The following SDK1 variants were observed in gnomAD, a reference collection of about 807,000 sequenced individuals.
SDK1 encodes the protein protein sidekick-1.
A neutral mutation model predicts 245.5 loss-of-function variants in SDK1; 157 were observed. The observed-to-expected ratio is 0.64, with a 90% CI of 0.56 to 0.73. The LOEUF (loss-of-function observed/expected upper bound fraction) is 0.73, where lower values mean the gene tolerates loss of function less well. SDK1 is among the 30% of genes least tolerant of loss of function. SDK1 has a pLI of 0.00. For synonymous variants in SDK1, 1,647 were observed against 1,278.5 expected (o/e 1.29, Z -6.15); for missense variants, 3,583 against 3,002.3 (o/e 1.19, Z -4.52).
intron 1 of SDK1, among the ~76,000 whole-genome samples, chr7:3,398,472 A>C (rs1778785265): frequency 6.6e-6 from 1 of 151,770 alleles, no homozygotes; most frequent in Non-Finnish European, 1.5e-5. Flanking sequence ...TGAGTTGTAT[A>C]ATCACCTTCC....
intron 4 of SDK1, among the ~76,000 whole-genome samples, chr7:3,790,017 C>G (rs1009401891): frequency 3.3e-5 from 5 of 152,108 alleles, no homozygotes; most frequent in Non-Finnish European, 4.4e-5. Context: ...CACCTCTCCC[C>G]CTTCCCGAGG....
chr7:3,330,950 A>C (rs1780053940), intron 1 of SDK1, among the ~76,000 whole-genome samples: 1 of 151,924 alleles, frequency 6.6e-6, no homozygotes, highest in Non-Finnish European at 1.5e-5. Flanking sequence ...TGGATGACAG[A>C]GTAAGACCCT....
intron 5 of SDK1, among the ~76,000 whole-genome samples, chr7:3,883,345 C>G (rs894939820): frequency 6.6e-6 from 1 of 152,216 alleles, no homozygotes; most frequent in Non-Finnish European, 1.5e-5. Flanking sequence ...AGATTGATCT[C>G]CTTGATAAGT....
chr7:3,955,752 A>G (rs899374305), intron 7 of SDK1, among the ~76,000 whole-genome samples: 1 of 152,202 alleles, frequency 6.6e-6, no homozygotes, highest in Admixed American at 6.5e-5. Context: ...AGAGCAGGAA[A>G]AATGCATGGT....
At chr7:3,742,345 G>C (rs1270287557) in intron 4 of SDK1, among the ~76,000 whole-genome samples, 8 of 152,060 alleles carry the variant, frequency 5.3e-5, no homozygotes, top group Non-Finnish European at 1.2e-4. Context: ...TTTCCCGTCT[G>C]CCTGAAACAT....
At chr7:4,187,020 C>A (rs1782935727) in intron 35 of SDK1, among the ~76,000 whole-genome samples, 1 of 152,140 alleles carries the variant, frequency 6.6e-6, no homozygotes, top group Non-Finnish European at 1.5e-5. Flanking sequence ...GCTCAAGAGC[C>A]ACACTGTGGT....
chr7:4,212,001 C>T (rs1464805830), intron 38 of SDK1, among the ~76,000 whole-genome samples: 2 of 152,224 alleles, frequency 1.3e-5, no homozygotes, highest in Non-Finnish European at 2.9e-5. Context: ...CTGGGAGGCA[C>T]GTCTTTCCCA....
intron 1 of SDK1, among the ~76,000 whole-genome samples, chr7:3,407,051 C>A (rs1779073302): frequency 6.6e-6 from 1 of 152,128 alleles, no homozygotes; most frequent in Admixed American, 6.6e-5. Context: ...AGAGATTATC[C>A]TTTCACCCAG....
At position 3,619,238 on chromosome 7, in the gene SDK1, A is replaced by G; in HGVS notation, c.457A>G (p.Lys153Glu). The change falls in exon 2 of 45, where the codon AAG becomes GAG. Residue 153 changes from lysine to glutamate, a missense_variant and splice_region_variant. Coordinates refer to ENST00000404826, the MANE Select transcript of SDK1 (RefSeq NM_152744.4). ...SELTTYSSEY[K>E]YIIPSLQKLD... ...GCTCACCACCTACAGCAGCGAATAT[A>G]AGTAATTGATCGCTTGAAAAAATAA... 6.2e-7 allele frequency: 1 copy of G among 1,601,394 alleles called. No homozygotes were observed. Among genetic ancestry groups the G allele is most frequent in the Non-Finnish European group, 8.6e-7 (1 of 1,169,232 alleles).
intron 1 of SDK1, among the ~76,000 whole-genome samples, chr7:3,441,198 ATTG>A (rs1030898585): frequency 1.7e-4 from 26 of 152,162 alleles, no homozygotes; most frequent in African/African-American, 5.8e-4. Context: ...ATTACTAGTT[ATTG>A]TTAATATTTT....
At chr7:3,994,557 AC>A (rs1784561503) in intron 14 of SDK1, among the ~76,000 whole-genome samples, 1 of 151,466 alleles carries the variant, frequency 6.6e-6, no homozygotes, top group Admixed American at 6.6e-5. Flanking sequence ...TGGGAGGATC[AC>A]TTGAACCCAG....
intron 25 of SDK1, among the ~76,000 whole-genome samples, chr7:4,114,950 G>C (rs145865980): frequency 6.6e-6 from 1 of 152,228 alleles, no homozygotes; most frequent in Non-Finnish European, 1.5e-5. Flanking sequence ...TTGCCAGGAA[G>C]CAATGGAGCA....
At chr7:3,538,785 C>T (rs1778969463) in intron 1 of SDK1, among the ~76,000 whole-genome samples, 1 of 152,074 alleles carries the variant, frequency 6.6e-6, no homozygotes, top group South Asian at 2.1e-4. Context: ...CCATTCAGGC[C>T]CAGATCAAGA....
chr7:4,101,874 C>G (rs1388893533), intron 22 of SDK1, among the ~76,000 whole-genome samples: 9 of 150,364 alleles, frequency 6.0e-5, no homozygotes, highest in South Asian at 2.1e-4. Flanking sequence ...TCAGGAGGGT[C>G]AGAGAAAGGG....
intron 1 of SDK1, among the ~76,000 whole-genome samples, chr7:3,493,934 A>C (rs1321085321): frequency 6.6e-6 from 1 of 152,246 alleles, no homozygotes; most frequent in Non-Finnish European, 1.5e-5. Context: ...CAAGTCATCA[A>C]ATGTTTCAGT....
intron 1 of SDK1, among the ~76,000 whole-genome samples, chr7:3,370,330 A>G (rs1243115594): frequency 1.3e-5 from 2 of 152,224 alleles, no homozygotes; most frequent in Non-Finnish European, 2.9e-5. Context: ...AGACAGTTAC[A>G]CAAATGTTAA....
intron 4 of SDK1, among the ~76,000 whole-genome samples, chr7:3,739,009 T>C (rs1348390312): frequency 1.3e-5 from 2 of 152,102 alleles, no homozygotes; most frequent in Non-Finnish European, 2.9e-5. Context: ...TTATATAAGA[T>C]CGTTTATCTA....
intron 1 of SDK1, among the ~76,000 whole-genome samples, chr7:3,306,221 A>G (rs755257012): frequency 6.2e-4 from 95 of 152,326 alleles, no homozygotes; most frequent in Admixed American, 2.2e-3. Context: ...TAAAAATTAC[A>G]TAATTTGGAA....
At position 4,078,548 on chromosome 7, in the gene SDK1, A is replaced by G. The variant is rs555744864; in HGVS notation, c.3203-915A>G. Among the ~76,000 whole-genome samples the G allele has an allele frequency of 2.0e-5, 3 of 152,282 alleles. No homozygotes were observed. In the East Asian group the frequency reaches 5.8e-4, roughly 29 times the overall value. ...GACCTGGTTTCAAACACCCCAAGCA[A>G]CAGCAAATGAGGAAAGCATTCCTCA... On this transcript the variant is annotated intron_variant, in intron 21 of 44. Transcript: ENST00000404826.
Sources: gnomAD v4.1 joint callset for allele counts (sites outside exome capture counted in the v4.1 genomes callset) on GRCh38, gnomAD v4.1.1 for gene constraint, MANE v1.5 for transcripts, NCBI Gene and HGNC (gene_info 2026-07-23, HGNC 2026-07-21) for gene names.